Variants in BLK observed in about 807,000 individuals in gnomAD.
BLK encodes the protein BLK proto-oncogene, Src family tyrosine kinase.
A neutral mutation model predicts 61.8 loss-of-function variants in BLK; 64 were observed. The ratio of observed to expected loss-of-function variants is 1.03; its 90% CI spans 0.85 to 1.27. The LOEUF (loss-of-function observed/expected upper bound fraction) is 1.27, where lower values mean the gene tolerates loss of function less well. Among genes scored for constraint, BLK ranks in the 50% most tolerant of loss-of-function variants. BLK has a pLI of 0.00. For synonymous variants in BLK, 351 were observed against 272.0 expected (o/e 1.29, Z -2.86); for missense variants, 853 against 660.5 (o/e 1.29, Z -3.19).
In BLK at chr8:11,549,990, G is replaced by T. The variant is rs1800824789; in HGVS notation, c.369-169G>T. The T allele has an allele frequency of 1.5e-5, 10 of 686,490 alleles. No individual in the cohort carries two copies. The South Asian group carries it at 1.5e-4, about 11-fold the overall frequency. 42.5% of individuals were successfully genotyped at this position (686,490 alleles called of 1,614,324 possible). ...GCGGAACTGGAAGGGCAGCGGGGCA[G>T]AGGGCACTGACTCCATCACGGTGTG... On this transcript the variant is annotated intron_variant, in intron 5 of 12. Coordinates refer to ENST00000259089, the MANE Select transcript of BLK (RefSeq NM_001715.3).
intron 1 of BLK, among the ~76,000 whole-genome samples, chr8:11,524,762 C>G (rs143760519): frequency 6.2e-4 from 95 of 152,256 alleles, no homozygotes; most frequent in Non-Finnish European, 1.1e-3. Flanking sequence ...GGGAAAATGA[C>G]AACGGTTCAT....
intron 1 of BLK, among the ~76,000 whole-genome samples, chr8:11,501,246 T>G (rs1798549024): frequency 6.6e-6 from 1 of 152,132 alleles, no homozygotes; most frequent in Non-Finnish European, 1.5e-5. Context: ...TTTATTTGAA[T>G]AAATAAAAGG....
chr8:11,549,228 C>A, intron 5 of BLK, 106 bp downstream of exon 5: 1 of 984,710 alleles, frequency 1.0e-6, no homozygotes, highest in Non-Finnish European at 1.6e-6. Context: ...AGGGAGCCTG[C>A]AGGCACTAGC....
At chr8:11,539,615 T>C (rs1231901987) in intron 1 of BLK, among the ~76,000 whole-genome samples, 1 of 152,234 alleles carries the variant, frequency 6.6e-6, no homozygotes, top group Non-Finnish European at 1.5e-5. Context: ...AAGATTGCCC[T>C]TTAAAAGAAT....
chr8:11,564,204 G>A lies in BLK; in HGVS notation c.*96G>A, dbSNP rs907490610. ...GGGCCGCGAAGGCGGGGTGTCGCCT[G>A]TGCCCTTTTCTCAGACCCGGAATCC... On this transcript the variant is annotated 3_prime_UTR_variant, in exon 13 of 13. Coordinates refer to ENST00000259089, the MANE Select transcript of BLK (RefSeq NM_001715.3). The A allele has an allele frequency of 2.8e-6, 4 of 1,419,228 alleles. No individual in the cohort carries two copies. Among genetic ancestry groups the A allele is most frequent in the African/African-American group, 1.4e-5 (1 of 70,436 alleles). 87.9% of individuals were successfully genotyped at this position (1,419,228 alleles called of 1,614,324 possible). A position where few individuals can be genotyped will look rare whatever the true frequency, so the allele number is the denominator to read the frequency against.
chr8:11,551,738 T>C (rs545147555), intron 6 of BLK, among the ~76,000 whole-genome samples: 11 of 152,244 alleles, frequency 7.2e-5, no homozygotes, highest in African/African-American at 2.6e-4. Context: ...CCTATTATGG[T>C]CCCTGGTGCT....
chr8:11,540,804 T>G (rs1439819902), intron 1 of BLK, among the ~76,000 whole-genome samples: 1 of 151,986 alleles, frequency 6.6e-6, no homozygotes, highest in Non-Finnish European at 1.5e-5. Context: ...TGAGTTCTAT[T>G]TAGCCTGTGA....
intron 1 of BLK, among the ~76,000 whole-genome samples, chr8:11,525,794 G>C (rs898387402): frequency 3.3e-5 from 5 of 152,188 alleles, no homozygotes; most frequent in Admixed American, 1.3e-4. Flanking sequence ...GCCCAGGCTG[G>C]AGTGCAGTGG....
intron 1 of BLK, among the ~76,000 whole-genome samples, chr8:11,501,816 G>A (rs1222643094): frequency 6.6e-6 from 1 of 152,234 alleles, no homozygotes; most frequent in Non-Finnish European, 1.5e-5. Flanking sequence ...ACAACAAAGA[G>A]TTGGGGCAGG....
At position 11,564,554 on chromosome 8, in the gene BLK, C is replaced by T. The variant is rs1310736394; in HGVS notation, c.*446C>T. 2.2e-6 allele frequency: 1 copy of T among 459,014 alleles called. No individual in the cohort carries two copies. Among genetic ancestry groups the T allele is most frequent in the Non-Finnish European group, 4.3e-6 (1 of 229,938 alleles). The allele number at this position is 459,014 out of a possible 1,614,324, so 28.4% of individuals were successfully genotyped here. A position where few individuals can be genotyped will look rare whatever the true frequency, so the allele number is the denominator to read the frequency against. ...AGGGGCAGCCCCAGCCTAGGCTGCG[C>T]TCCAGCACTGCGGGGCTTTTCTGCA... On this transcript the variant is annotated 3_prime_UTR_variant, in exon 13 of 13. Transcript: ENST00000259089.
rs144330211 is a variant in BLK at position 11,529,160 on chromosome 8, G to A, written c.-1-14064G>A. 3.6e-3 allele frequency among the ~76,000 whole-genome samples: 549 copies of A among 152,072 alleles called. 9 individuals are homozygous for A. The highest frequency in any genetic ancestry group is 2.6e-3 in the Admixed American group (39 of 15,268). On this transcript the variant is annotated intron_variant, in intron 1 of 12. Transcript: ENST00000259089. ...AATATAAGGAGTGAAAGTGTAAATC[G>A]CCCAGTGGGTTCACCTTGCCCGCTG... is the stretch of plus-strand genomic sequence containing the variant.
At chr8:11,556,959 C>A in intron 9 of BLK, 122 bp downstream of exon 9, 2 of 946,920 alleles carry the variant, frequency 2.1e-6, no homozygotes, top group South Asian at 3.1e-5. Flanking sequence ...TAGGGCATGG[C>A]ACGGTGTGGG....
Position 11,563,987 on chromosome 8 carries a change from G to T in BLK, c.1397G>T (p.Arg466Leu). 2 of 1,606,094 alleles carry T rather than the reference G, an allele frequency of 1.2e-6. No homozygotes were observed. Residue 466 changes from arginine (R) to leucine (L), a missense_variant, in exon 13 of 13, where the codon CGC becomes CTC. Arg to Leu is a moderately radical substitution (Grantham distance 102). Transcript: ENST00000259089. ...RPDTCPPELY[R>L]GVIAECWRSR... ...GACACCTGCCCGCCCGAGCTGTACC[G>T]CGGCGTCATCGCCGAGTGCTGGCGC... is the stretch of plus-strand genomic sequence containing the variant.
chr8:11,550,011 G>A, intron 5 of BLK, 148 bp from the exon 6 acceptor site: 1 of 728,782 alleles, frequency 1.4e-6, no homozygotes, highest in Non-Finnish European at 2.4e-6. Context: ...CTCCATCACG[G>A]TGTGAGGAGC....
At chr8:11,526,408 C>T (rs1454735486) in intron 1 of BLK, among the ~76,000 whole-genome samples, 1 of 152,186 alleles carries the variant, frequency 6.6e-6, no homozygotes, top group Non-Finnish European at 1.5e-5. Context: ...GTTATTTTTA[C>T]ATATTAAGGC....
intron 1 of BLK, 46 bp from the exon 2 acceptor site, chr8:11,543,178 A>G (rs755875917): frequency 2.5e-5 from 41 of 1,612,096 alleles, no homozygotes; most frequent in Non-Finnish European, 9.3e-6. Context: ...AGAGGATCTG[A>G]GGCCCCGCTC....
intron 1 of BLK, among the ~76,000 whole-genome samples, chr8:11,523,417 G>T (rs1284824896): frequency 6.6e-6 from 1 of 152,098 alleles, no homozygotes; most frequent in African/African-American, 2.4e-5. Flanking sequence ...AGCGAGCATG[G>T]TGGTGGGCGC....
At chr8:11,514,540 G>A (rs974048351) in intron 1 of BLK, among the ~76,000 whole-genome samples, 1 of 152,212 alleles carries the variant, frequency 6.6e-6, no homozygotes. Context: ...GAACAGCTGG[G>A]AGAGAGGCTG....
At chr8:11,495,558 C>G (rs539257740) in intron 1 of BLK, among the ~76,000 whole-genome samples, 1 of 152,128 alleles carries the variant, frequency 6.6e-6, no homozygotes, top group Non-Finnish European at 1.5e-5. Context: ...CTCATAACCC[C>G]AGTCAAATCA....
Sources: allele counts gnomAD v4.1 joint callset (sites outside exome capture counted in the v4.1 genomes callset), GRCh38; gene constraint gnomAD v4.1.1; transcripts MANE v1.5; gene names NCBI Gene and HGNC (gene_info 2026-07-23, HGNC 2026-07-21).